ANK1: variants seen among roughly 807,000 people sequenced by gnomAD.
The protein encoded by ANK1 is ankyrin 1.
A neutral mutation model predicts 210.4 loss-of-function variants in ANK1; 51 were observed. That is an observed-to-expected ratio of 0.24 (90% CI 0.19 to 0.31). The LOEUF (loss-of-function observed/expected upper bound fraction) is 0.31. ANK1 is among the 10% of genes least tolerant of loss of function. The probability of loss-of-function intolerance (pLI) is 1.00; values close to 1 mark genes in which losing one functional copy is unlikely to be tolerated. For synonymous variants in ANK1, 967 were observed against 1,025.9 expected, an observed-to-expected ratio of 0.94 and a Z score of 1.10; for missense variants, 2,051 against 2,504.4, an observed-to-expected ratio of 0.82 and a Z score of 3.86.
intron 16 of ANK1, among the ~76,000 whole-genome samples, chr8:41,711,412 G>A (rs561035855): frequency 1.3e-5 from 2 of 152,306 alleles, no homozygotes; most frequent in East Asian, 1.9e-4. Flanking sequence ...GAGTTTAGGC[G>A]CAACTGACCG....
At chr8:41,679,691 T>A (rs1168538146) in intron 37 of ANK1, among the ~76,000 whole-genome samples, 3 of 149,922 alleles carry the variant, frequency 2.0e-5, no homozygotes, top group Non-Finnish European at 4.4e-5. Context: ...GCCTCCCGAG[T>A]AGCTGGGACT....
At chr8:41,697,610 T>A in intron 24 of ANK1, 1 of 334,650 alleles carries the variant, frequency 3.0e-6, no homozygotes, top group South Asian at 2.5e-5. Context: ...TGCGTCCGAG[T>A]CCACTCTTTC....
rs546413387 is a variant in ANK1 at position 41,836,233 on chromosome 8, A to G, written c.126+60122T>C. On this transcript the variant is annotated intron_variant, in intron 1 of 42. Transcript: ENST00000265709. ...TCCTTCTTGCTGCAGATCCCGTCGC[A>G]ACAAAATGCTGCCGACTGCTCAGTA... 1.2e-4 allele frequency among the ~76,000 whole-genome samples: 19 copies of G among 152,370 alleles called. No homozygotes were observed. In the South Asian group the frequency reaches 2.1e-3, roughly 17 times the overall value.
chr8:41,732,926 C>T (rs773435211), intron 3 of ANK1, among the ~76,000 whole-genome samples: 10 of 151,136 alleles, frequency 6.6e-5, no homozygotes, highest in African/African-American at 1.5e-4. Flanking sequence ...TTAGTAGAGA[C>T]GGGGTTTCAC....
chr8:41,706,190 C>A lies in ANK1; in HGVS notation c.2050G>T (p.Ala684Ser). The A allele has an allele frequency of 6.2e-7, 1 of 1,614,168 alleles. No individual in the cohort carries two copies. Residue 684 changes from alanine to serine, a missense_variant, in exon 18 of 43, where the codon GCA becomes TCA. Ala to Ser is a moderately conservative substitution (Grantham distance 99). This residue lies in a region of ANK1 where 1,413 missense variants were observed against 1,707.4 expected (regional missense o/e 0.83). Transcript: ENST00000289734. ...ACGCCGTGTTTGATCAGCACATCTG[C>A]CACTGGAACGTGGCCTTCTTGTGCT... Reference protein sequence around the residue: ...LVAQEGHVPVADVLIKHGVMV... With the variant: ...LVAQEGHVPVSDVLIKHGVMV...
chr8:41,680,969 G>A (rs557113747), intron 37 of ANK1, among the ~76,000 whole-genome samples: 1 of 152,282 alleles, frequency 6.6e-6, no homozygotes, highest in Non-Finnish European at 1.5e-5. Context: ...CTCCTCTTGG[G>A]GCTACATGTT....
chr8:41,679,325 T>C (rs1183044694), intron 37 of ANK1, among the ~76,000 whole-genome samples: 1 of 152,222 alleles, frequency 6.6e-6, no homozygotes, highest in Non-Finnish European at 1.5e-5. Flanking sequence ...TTTTGCATTT[T>C]GCTTTCAAAT....
chr8:41,747,544 T>C (rs908028248), intron 2 of ANK1, among the ~76,000 whole-genome samples: 1 of 152,184 alleles, frequency 6.6e-6, no homozygotes, highest in Non-Finnish European at 1.5e-5. Flanking sequence ...TGAGATCCTG[T>C]GTTTTGCTCA....
At chr8:41,836,622 C>A (rs117847816) in intron 1 of ANK1, among the ~76,000 whole-genome samples, 274 of 152,336 alleles carry the variant, frequency 1.8e-3, no homozygotes, top group Non-Finnish European at 2.2e-3. Context: ...AGGGCAGGGG[C>A]CTCTCAAAAG....
chr8:41,803,499 A>G (rs1239080132), intron 1 of ANK1: 1 of 152,168 alleles, frequency 6.6e-6, no homozygotes, highest in Non-Finnish European at 1.5e-5. Flanking sequence ...GACAATTATT[A>G]TTCACAAATC....
Position 41,755,677 on chromosome 8 carries a change from C to T in ANK1, c.129+2359G>A, listed in dbSNP as rs1001643487. On this transcript the variant is annotated intron_variant, in intron 2 of 42. Coordinates refer to ENST00000289734, the MANE Select transcript of ANK1 (RefSeq NM_000037.4). Reference sequence around the variant, plus strand: ...GTGCAGTGCTAAGAAGGTCCCAGACCCTGTCTCCTGAACAACTCTCACACC... The same window carrying T: ...GTGCAGTGCTAAGAAGGTCCCAGACTCTGTCTCCTGAACAACTCTCACACC... Among the ~76,000 whole-genome samples the T allele has an allele frequency of 2.0e-5, 3 of 152,146 alleles. No individual in the cohort carries two copies. In the South Asian group the frequency reaches 6.2e-4, roughly 32 times the overall value.
chr8:41,855,695 G>T (rs1812064327), intron 1 of ANK1, among the ~76,000 whole-genome samples: 1 of 152,198 alleles, frequency 6.6e-6, no homozygotes, highest in African/African-American at 2.4e-5. Context: ...TGATCTGAAG[G>T]TGGGGACTCT....
At chr8:41,706,827 G>A (rs543599729) in intron 17 of ANK1, among the ~76,000 whole-genome samples, 4 of 152,328 alleles carry the variant, frequency 2.6e-5, no homozygotes, top group South Asian at 2.1e-4. Context: ...GGCTGGGCGC[G>A]GCGGCTCATG....
At position 41,879,486 on chromosome 8, in the gene ANK1, CCT is replaced by C. The variant is rs530957248; in HGVS notation, c.126+16867_126+16868del. Among the ~76,000 whole-genome samples the C allele has an allele frequency of 1.8e-4, 28 of 152,314 alleles. No homozygotes were observed. In the East Asian group the frequency reaches 5.4e-3, roughly 29 times the overall value. On this transcript the variant is annotated intron_variant, in intron 1 of 42. Transcript: ENST00000265709. ...TAATTTTAGCTATGTGTAACGATTCCCTCTCAACAGAACAGACACTGCTGCCT... is the reference window on the plus strand; with the variant it reads ...TAATTTTAGCTATGTGTAACGATTCCCTCAACAGAACAGACACTGCTGCCT...
chr8:41,839,204 C>A (rs1490970328), intron 1 of ANK1, among the ~76,000 whole-genome samples: 1 of 152,214 alleles, frequency 6.6e-6, no homozygotes, highest in Non-Finnish European at 1.5e-5. Flanking sequence ...AAAACTGGTG[C>A]TTTTATATAA....
intron 41 of ANK1, 134 bp from the exon 42 acceptor site, chr8:41,661,698 G>A (rs749464088): frequency 6.0e-5 from 96 of 1,596,726 alleles, no homozygotes; most frequent in Non-Finnish European, 7.5e-5. Flanking sequence ...TGGAGAGAGA[G>A]CTCATAAAGA....
chr8:41,889,593 G>A (rs531884208), intron 1 of ANK1, among the ~76,000 whole-genome samples: 5 of 152,248 alleles, frequency 3.3e-5, no homozygotes, highest in African/African-American at 1.2e-4. Context: ...CTTTCACTTT[G>A]AGTGTCTCCA....
At chr8:41,854,622 T>C (rs1276822068) in intron 1 of ANK1, among the ~76,000 whole-genome samples, 1 of 152,124 alleles carries the variant, frequency 6.6e-6, no homozygotes, top group African/African-American at 2.4e-5. Flanking sequence ...CCAGCAGCAT[T>C]GGCCCCAGAT....
At chr8:41,787,842 A>C (rs1043867660) in intron 1 of ANK1, among the ~76,000 whole-genome samples, 1 of 151,914 alleles carries the variant, frequency 6.6e-6, no homozygotes, top group Non-Finnish European at 1.5e-5. Flanking sequence ...GGCAGGCAGG[A>C]AGGAAGGAAG....
Sources: gnomAD v4.1 joint callset for allele counts (sites outside exome capture counted in the v4.1 genomes callset) on GRCh38, gnomAD v4.1.1 for gene constraint, gnomAD v4.1.1 regional missense constraint, MANE v1.5 for transcripts, NCBI Gene and HGNC (gene_info 2026-07-23, HGNC 2026-07-21) for gene names.